Variants in BTNL2 observed in about 807,000 individuals in gnomAD.
BTNL2 encodes the protein butyrophilin-like protein 2.
A neutral mutation model predicts 46.8 loss-of-function variants in BTNL2; 46 were observed. The observed-to-expected ratio is 0.98, with a 90% CI of 0.78 to 1.26. The LOEUF is 1.26. Among genes scored for constraint, BTNL2 ranks in the 50% most tolerant of loss-of-function variants. The pLI, the probability that BTNL2 is intolerant of heterozygous loss-of-function variation, is 0.00. For missense variants in BTNL2, 461 were observed against 592.6 expected (o/e 0.78, Z 2.31); for synonymous variants, 226 against 229.1 (o/e 0.99, Z 0.12).
At position 32,394,244 on chromosome 6, in the gene BTNL2, G is replaced by C; in HGVS notation, c.1361-187C>G. 6.6e-6 allele frequency among the ~76,000 whole-genome samples: 1 copy of C among 152,006 alleles called. No individual in the cohort carries two copies. The highest frequency in any genetic ancestry group is 1.9e-4 in the East Asian group (1 of 5,168). On this transcript the variant is annotated intron_variant, in intron 6 of 7. Coordinates refer to ENST00000454136, the MANE Select transcript of BTNL2 (RefSeq NM_001304561.2). This position sits in a 1 kb window ranked among gnomAD's most constrained non-coding sequence, Gnocchi z 4.6. ...GAATGCAAGTATTTCATGTTTGCTC[G>C]TCTCAGAAATGTACACATGCACAGA...
At position 32,394,784 on chromosome 6, in the gene BTNL2, G is replaced by A. The variant is rs780407349; in HGVS notation, c.1320C>T (p.Pro440=). The change falls in exon 6 of 8, where the codon CCC becomes CCT. Residue 440 remains proline, a synonymous_variant. Transcript: ENST00000454136. The surrounding 1 kb of genome is among the most constrained non-coding windows in gnomAD (Gnocchi z 4.6). ...TTGCGATTTTCTCCTCGCCCAAAAA[G>A]GGGATGCTGATGGAACAAGTGACGT... ...AVDVTCSISI[P]FLGEEKIATF... 5 of 1,613,904 alleles carry A rather than the reference G, an allele frequency of 3.1e-6. No individual in the cohort carries two copies. The Admixed American group carries it at 6.7e-5, about 22-fold the overall frequency.
chr6:32,395,994 G>T, intron 5 of BTNL2, 45 bp downstream of exon 5: 1 of 1,447,704 alleles, frequency 6.9e-7, no homozygotes, highest in Non-Finnish European at 9.5e-7. Context: ...TATTAAAGTG[G>T]CAGGAGCAGG....
intron 4 of BTNL2, among the ~76,000 whole-genome samples, chr6:32,400,749 A>AATAC (rs1323338220): frequency 2.9e-4 from 39 of 136,042 alleles, no homozygotes; most frequent in Admixed American, 6.8e-4. Flanking sequence ...CTCTACTAAA[A>AATAC]AAAAAAAAAA....
At chr6:32,406,873 G>A in intron 1 of BTNL2, 172 bp downstream of exon 1, 1 of 577,964 alleles carries the variant, frequency 1.7e-6, no homozygotes, top group Non-Finnish European at 3.1e-6. Flanking sequence ...GACTCAGCTA[G>A]GAGTGGAGGA....
At chr6:32,406,992 G>T in intron 1 of BTNL2, 53 bp downstream of exon 1, 1 of 1,547,964 alleles carries the variant, frequency 6.5e-7, no homozygotes, top group Non-Finnish European at 8.9e-7. Context: ...TTTGGACCCA[G>T]ACTAGCTCAC....
intron 4 of BTNL2, among the ~76,000 whole-genome samples, chr6:32,400,963 C>T (rs1166238016): frequency 7.1e-6 from 1 of 140,226 alleles, no homozygotes; most frequent in Non-Finnish European, 1.5e-5. Flanking sequence ...AATCCCAGCA[C>T]TTTGGGAGGC....
chr6:32,405,807 G>GTTT lies in BTNL2; in HGVS notation c.80-524_80-522dup, dbSNP rs56858224. Among the ~76,000 whole-genome samples the GTTT allele has an allele frequency of 3.9e-5, 5 of 127,878 alleles. No individual in the cohort carries two copies. In the South Asian group the frequency reaches 1.3e-3, roughly 32 times the overall value. 83.9% of individuals were successfully genotyped at this position (127,878 alleles called of 152,430 possible). On this transcript the variant is annotated intron_variant, in intron 1 of 7. Transcript: ENST00000454136. ...TCCTCTTCTCTTAGATATAAAAACT[G>GTTT]TTTTTTTTTTGTTTTTTTTTTGTTT...
chr6:32,406,605 C>T (rs73400894), intron 1 of BTNL2: 1 of 152,118 alleles, frequency 6.6e-6, no homozygotes, highest in African/African-American at 2.4e-5. Context: ...TCCAAAGTCC[C>T]TTTCTTCTAA....
At position 32,407,073 on chromosome 6, in the gene BTNL2, T is replaced by C; in HGVS notation, c.51A>G (p.Leu17=). 2 of 1,612,920 alleles carry C rather than the reference T, an allele frequency of 1.2e-6. No homozygotes were observed. The highest frequency in any genetic ancestry group is 1.3e-5 in the African/African-American group (1 of 75,012). Residue 17 remains leucine, a synonymous_variant, in exon 1 of 8, where the codon CTA becomes CTG. Transcript: ENST00000454136. ...YNLSGAVASF[L]FILLTMKQSE... ...ACTGCTTCATTGTCAGCAGGATGAA[T>C]AGGAAGGAGGCGACTGCACCAGACA...
At position 32,396,464 on chromosome 6, in the gene BTNL2, T is replaced by C. The variant is rs764760125; in HGVS notation, c.731-78A>G. On this transcript the variant is annotated intron_variant, in intron 4 of 7. Transcript: ENST00000454136. This position sits in a 1 kb window ranked among gnomAD's most constrained non-coding sequence, Gnocchi z 4.4. Reference sequence around the variant, plus strand: ...ATGTCATCTCTAAGAACAGCTCCATTGGAGTTTAGAAACCATGAGCATCCC... The same window carrying C: ...ATGTCATCTCTAAGAACAGCTCCATCGGAGTTTAGAAACCATGAGCATCCC... 1 of 1,383,700 alleles carries C rather than the reference T, an allele frequency of 7.2e-7. No individual in the cohort carries two copies. Among genetic ancestry groups the C allele is most frequent in the Admixed American group, 1.9e-5 (1 of 51,626 alleles). The allele number at this position is 1,383,700 out of a possible 1,614,324, so 85.7% of individuals were successfully genotyped here. A position where few individuals can be genotyped will look rare whatever the true frequency, so the allele number is the denominator to read the frequency against.
Position 32,396,163 on chromosome 6 carries a change from G to A in BTNL2, c.954C>T (p.Ala318=). ...YRGRTVLVSD[A]IDEGRLTLQI... ...GCAGGGTCAGTCTGCCCTCGTCAAT[G>A]GCGTCACTCACCAGTACAGTCCTCC... The change falls in exon 5 of 8, where the codon GCC becomes GCT. Residue 318 remains alanine (A), a synonymous_variant. Coordinates refer to ENST00000454136, the MANE Select transcript of BTNL2 (RefSeq NM_001304561.2). The surrounding 1 kb of genome is among the most constrained non-coding windows in gnomAD (Gnocchi z 4.4). 1 of 1,613,052 alleles carries A rather than the reference G, an allele frequency of 6.2e-7. No individual in the cohort carries two copies. Among genetic ancestry groups the A allele is most frequent in the Non-Finnish European group, 8.5e-7 (1 of 1,180,016 alleles).
intron 5 of BTNL2, 101 bp downstream of exon 5, chr6:32,395,938 C>A: frequency 1.1e-6 from 1 of 929,838 alleles, no homozygotes; most frequent in Admixed American, 2.6e-5. Context: ...GATGAATAAG[C>A]ATTAAGAAAA....
chr6:32,402,423 T>C (rs1303330081), intron 3 of BTNL2, among the ~76,000 whole-genome samples: 1 of 152,024 alleles, frequency 6.6e-6, no homozygotes, highest in Non-Finnish European at 1.5e-5. Context: ...TTTTCAACCA[T>C]TAAAATTATT....
In BTNL2 at chr6:32,394,967, C is replaced by T. The variant is rs115403026; in HGVS notation, c.1137G>A (p.Pro379=). 1.0e-4 allele frequency: 162 copies of T among 1,613,472 alleles called. No homozygotes were observed. The African/African-American group carries it at 1.9e-3, about 19-fold the overall frequency. Residue 379 remains proline (P), a synonymous_variant, in exon 6 of 8, where the codon CCG becomes CCA. Transcript: ENST00000454136. The surrounding 1 kb of genome is among the most constrained non-coding windows in gnomAD (Gnocchi z 4.6). ...VEGQEDGEMQ[P]MCSSDGWFPQ... is the part of the protein sequence containing the mutation. ...GGAACCACCCATCTGAAGAGCACAT[C>T]GGCTGCATTTCTCCATCTTCTTGCC...
intron 4 of BTNL2, among the ~76,000 whole-genome samples, chr6:32,398,792 A>G (rs118024289): frequency 0.018 from 2,676 of 152,344 alleles, 79 homozygotes; most frequent in East Asian, 0.11. Context: ...ATACAGACAA[A>G]ACTCCTTTTG....
rs1286788818 is a variant in BTNL2 at position 32,405,288 on chromosome 6, T to C, written c.80-2A>G. The C allele has an allele frequency of 1.9e-6, 3 of 1,612,792 alleles. No homozygotes were observed. The highest frequency in any genetic ancestry group is 2.5e-6 in the Non-Finnish European group (3 of 1,179,882). Reference sequence around the variant, plus strand: ...CAGGGCCAATGACTCTAAAGTCTTCTATAAAATAAGTGAAAAAGAGGAACG... The same window carrying C: ...CAGGGCCAATGACTCTAAAGTCTTCCATAAAATAAGTGAAAAAGAGGAACG... On this transcript the variant is annotated splice_acceptor_variant, in intron 1 of 7. Transcript: ENST00000454136. LOFTEE classifies it high-confidence loss of function.
At position 32,394,009 on chromosome 6, in the gene BTNL2, A is replaced by T. The variant is rs1345066848; in HGVS notation, c.1409T>A (p.Leu470His). The change falls in exon 7 of 8, where the codon CTT becomes CAT. Residue 470 changes from leucine to histidine, a missense_variant. Physicochemically the swap from Leu to His is moderately conservative, Grantham distance 99 (BLOSUM62 -3). Transcript: ENST00000454136. The surrounding 1 kb of genome is among the most constrained non-coding windows in gnomAD (Gnocchi z 4.6). The stretch of plus-strand genomic sequence containing the variant: ...GGGCAGGCCTACAGCCACAGCAAGA[A>T]GCAATCCCCAAACAAGCAGTGTTTT... ...LWKTLLVWGL[L>H]LAVAVGLPRK... 2 of 1,550,248 alleles carry T rather than the reference A, an allele frequency of 1.3e-6. No homozygotes were observed. Among genetic ancestry groups the T allele is most frequent in the Non-Finnish European group, 1.7e-6 (2 of 1,146,742 alleles).
At position 32,403,161 on chromosome 6, in the gene BTNL2, C is replaced by G. The variant is rs754211446; in HGVS notation, c.483G>C (p.Gln161His). Residue 161 changes from glutamine to histidine, a missense_variant, in exon 3 of 8, where the codon CAG (glutamine) becomes CAC (histidine). Gln to His is a conservative substitution (Grantham distance 24, BLOSUM62 0). Transcript: ENST00000454136. The stretch of plus-strand genomic sequence containing the variant: ...ACCAGCCCCTTGCAGTGCACACAAG[C>G]TGGACTCCACTCTCCCCAGGTCCCT... ...HMEGPGESGV[Q>H]LVCTARGWFP... 11 of 1,612,222 alleles carry G rather than the reference C, an allele frequency of 6.8e-6. No homozygotes were observed.
rs941005020 is a variant in BTNL2, at chr6:32,395,024, A to G, written c.1080T>C (p.Ser360=). ...CAGTGATCAGTGGGGAAGAACCCAG[A>G]CCTGGGGCAGAGAAAGCAACCAAAG... ...QEASLDLKVV[S]LGSSPLITVE... Residue 360 remains serine, a splice_region_variant and synonymous_variant, in exon 6 of 8, where the codon AGT becomes AGC. Transcript: ENST00000454136. The G allele has an allele frequency of 1.9e-6, 3 of 1,558,236 alleles. No homozygotes were observed. Among genetic ancestry groups the G allele is most frequent in the Non-Finnish European group, 2.6e-6 (3 of 1,150,582 alleles).
Sources: gnomAD v4.1 joint callset for allele counts (sites outside exome capture counted in the v4.1 genomes callset) on GRCh38, gnomAD v4.1.1 for gene constraint, Gnocchi (gnomAD v3.1) non-coding constraint, MANE v1.5 for transcripts, NCBI Gene and HGNC (gene_info 2026-07-23, HGNC 2026-07-21) for gene names.